The following ATF7IP2 variants were observed in gnomAD, a reference collection of about 807,000 sequenced individuals.
ATF7IP2 encodes activating transcription factor 7 interacting protein 2.
A neutral mutation model predicts 64.2 loss-of-function variants in ATF7IP2; 42 were observed. The observed-to-expected ratio is 0.65, with a 90% CI of 0.51 to 0.85. The LOEUF (loss-of-function observed/expected upper bound fraction) is 0.85, where lower values mean the gene tolerates loss of function less well. ATF7IP2 is among the 40% of genes least tolerant of loss of function. The pLI, the probability that ATF7IP2 is intolerant of heterozygous loss-of-function variation, is 0.00. For missense variants in ATF7IP2, 933 were observed against 784.2 expected, an observed-to-expected ratio of 1.19 and a Z score of -2.27; for synonymous variants, 308 against 272.8, an observed-to-expected ratio of 1.13 and a Z score of -1.27.
intron 11 of ATF7IP2, 90 bp from the exon 12 acceptor site, chr16:10,473,833 C>G (rs972130147): frequency 6.4e-5 from 52 of 815,814 alleles, no homozygotes; most frequent in Non-Finnish European, 8.9e-5. Context: ...TTTAAAATTA[C>G]CATTTAAAAT....
intron 9 of ATF7IP2, among the ~76,000 whole-genome samples, chr16:10,463,086 T>A (rs10744974): frequency 0.46 from 70,490 of 152,116 alleles, 17,142 homozygotes; most frequent in East Asian, 0.55. Flanking sequence ...TTTTCAGATC[T>A]ATTTCTGATG....
At position 10,482,266 on chromosome 16, in the gene ATF7IP2, A is replaced by T. The variant is rs371464529; in HGVS notation, c.*17A>T. On this transcript the variant is annotated 3_prime_UTR_variant, in exon 14 of 14. Coordinates refer to ENST00000562102, the MANE Select transcript of ATF7IP2 (RefSeq NM_001393719.1). ...CTTACGTAAAAGGTGTTTAATAATG[A>T]TATACTACTTTTTTTTTCATATTTG... 1.7e-5 allele frequency: 26 copies of T among 1,507,892 alleles called. No individual in the cohort carries two copies. The highest frequency in any genetic ancestry group is 3.6e-4 in the Middle Eastern group (2 of 5,632). 93.4% of individuals were successfully genotyped at this position (1,507,892 alleles called of 1,614,324 possible). A position where few individuals can be genotyped will look rare whatever the true frequency, so the allele number is the denominator to read the frequency against.
chr16:10,465,004 G>GT (rs1310783867), intron 9 of ATF7IP2, among the ~76,000 whole-genome samples: 2 of 152,096 alleles, frequency 1.3e-5, no homozygotes, highest in Admixed American at 6.5e-5. Context: ...CTAATTTTGT[G>GT]TTTTTAGTAG....
At chr16:10,477,873 A>C (rs2050070120) in intron 12 of ATF7IP2, among the ~76,000 whole-genome samples, 2 of 151,026 alleles carry the variant, frequency 1.3e-5, no homozygotes, top group Admixed American at 1.3e-4. Flanking sequence ...ACAAACAGAG[A>C]GCCAAATCAT....
At chr16:10,411,993 T>G (rs1205244047) in intron 1 of ATF7IP2, among the ~76,000 whole-genome samples, 1 of 148,188 alleles carries the variant, frequency 6.7e-6, no homozygotes, top group Non-Finnish European at 1.5e-5. Flanking sequence ...AGCTTTTTGT[T>G]TCATTTATCT....
intron 9 of ATF7IP2, among the ~76,000 whole-genome samples, chr16:10,469,651 T>A (rs1432083983): frequency 6.6e-6 from 1 of 152,120 alleles, no homozygotes; most frequent in South Asian, 2.1e-4. Context: ...GGCGCATGCC[T>A]GTAATCCCAG....
intron 3 of ATF7IP2, among the ~76,000 whole-genome samples, chr16:10,421,249 C>A (rs990943984): frequency 1.3e-5 from 2 of 152,114 alleles, no homozygotes; most frequent in African/African-American, 4.8e-5. Context: ...AGATCTTGCT[C>A]TTGAACAATA....
chr16:10,442,724 T>C (rs2048670003), intron 8 of ATF7IP2, among the ~76,000 whole-genome samples: 1 of 151,672 alleles, frequency 6.6e-6, no homozygotes, highest in Non-Finnish European at 1.5e-5. Context: ...CGATACAGAC[T>C]CCATCTTTTT....
chr16:10,466,963 G>GTT (rs558511665), intron 9 of ATF7IP2, among the ~76,000 whole-genome samples: 17 of 146,292 alleles, frequency 1.2e-4, no homozygotes, highest in African/African-American at 4.2e-4. Flanking sequence ...TCAGTCTCTG[G>GTT]TTTTTTTTTT....
At chr16:10,422,870 A>T (rs528417233) in intron 3 of ATF7IP2, among the ~76,000 whole-genome samples, 1 of 152,314 alleles carries the variant, frequency 6.6e-6, no homozygotes, top group South Asian at 2.1e-4. Context: ...CTTTCCAGGG[A>T]ACAGAAGTAG....
At chr16:10,433,399 T>C (rs1428700441) in intron 5 of ATF7IP2, 126 bp from the exon 6 acceptor site, 3 of 780,720 alleles carry the variant, frequency 3.8e-6, no homozygotes, top group Non-Finnish European at 6.1e-6. Flanking sequence ...GGTCTTGAAC[T>C]CCTGGCCTTA....
intron 2 of ATF7IP2, among the ~76,000 whole-genome samples, chr16:10,417,679 A>C (rs1455877265): frequency 6.6e-6 from 1 of 152,176 alleles, no homozygotes; most frequent in Admixed American, 6.5e-5. Flanking sequence ...TCTGGTCCTA[A>C]AATTTATATG....
intron 9 of ATF7IP2, among the ~76,000 whole-genome samples, chr16:10,470,094 A>T (rs1005825247): frequency 1.3e-5 from 2 of 152,210 alleles, no homozygotes. Context: ...AAAGTAATAT[A>T]GACTGACAGA....
chr16:10,480,528 C>G (rs919762563), intron 12 of ATF7IP2, among the ~76,000 whole-genome samples: 4 of 151,652 alleles, frequency 2.6e-5, no homozygotes, highest in African/African-American at 9.7e-5. Flanking sequence ...TAAAACTTGG[C>G]TATAGATTAT....
chr16:10,389,008 TC>T (rs2047266777), intron 1 of ATF7IP2, among the ~76,000 whole-genome samples: 1 of 144,052 alleles, frequency 6.9e-6, no homozygotes, highest in South Asian at 2.2e-4. Flanking sequence ...CAAGACTGTC[TC>T]AAAAAAAAAA....
chr16:10,440,269 C>T (rs1357848295), intron 7 of ATF7IP2, 95 bp from the exon 8 acceptor site: 1 of 571,878 alleles, frequency 1.7e-6, no homozygotes, highest in African/African-American at 2.0e-5. Context: ...ATGTCTAGGT[C>T]TTACAAAACT....
chr16:10,387,657 G>T (rs2047228724), intron 1 of ATF7IP2: 1 of 152,162 alleles, frequency 6.6e-6, no homozygotes, highest in African/African-American at 2.4e-5. Flanking sequence ...CTCTTATAGT[G>T]AGTGTGCACA....
Position 10,431,111 on chromosome 16 carries a change from T to C in ATF7IP2, c.491T>C (p.Leu164Pro). Residue 164 changes from leucine (L) to proline (P), a missense_variant, in exon 5 of 14, where the codon CTA (leucine) becomes CCA (proline). Leu to Pro is a moderately conservative substitution (Grantham distance 98, BLOSUM62 -3). Coordinates refer to ENST00000562102, the MANE Select transcript of ATF7IP2 (RefSeq NM_001393719.1). ...TTTGAGCATGAGGGGGCTTGTAGTC[T>C]AAAGTCCAGTTGCTGTCCACCCAGT... ...SLFEHEGACSLKSSCCPPSVL... is the reference protein window; with the variant it reads ...SLFEHEGACSPKSSCCPPSVL... The C allele has an allele frequency of 6.2e-7, 1 of 1,614,182 alleles. No individual in the cohort carries two copies.
chr16:10,387,365 A>G (rs1009010794), intron 1 of ATF7IP2: 2 of 152,202 alleles, frequency 1.3e-5, no homozygotes, highest in African/African-American at 2.4e-5. Context: ...AATCAAATTT[A>G]CTTCACTCTC....
Sources: allele counts gnomAD v4.1 joint callset (sites outside exome capture counted in the v4.1 genomes callset), GRCh38; gene constraint gnomAD v4.1.1; transcripts MANE v1.5; gene names NCBI Gene and HGNC (gene_info 2026-07-23, HGNC 2026-07-21).